The following PCDH9 variants were observed in gnomAD, a reference collection of about 807,000 sequenced individuals.
PCDH9 encodes protocadherin 9.
In PCDH9, 24 loss-of-function variants were observed where a neutral mutation model predicts 70.6. That is an observed-to-expected ratio of 0.34 (90% CI 0.25 to 0.48). PCDH9 has a LOEUF of 0.48. PCDH9 is among the 20% of genes least tolerant of loss of function. The pLI is 0.99. For missense variants in PCDH9, 1,281 were observed against 1,503.6 expected (o/e 0.85, Z 2.45); for synonymous variants, 562 against 558.5 (o/e 1.01, Z -0.09).
At chr13:66,573,026 G>A (rs571022791) in intron 4 of PCDH9, among the ~76,000 whole-genome samples, 1 of 152,094 alleles carries the variant, frequency 6.6e-6, no homozygotes, top group South Asian at 2.1e-4. Flanking sequence ...TTCCATAATG[G>A]CTGTACTAAT....
At chr13:66,569,759 C>T (rs2076706397) in intron 4 of PCDH9, among the ~76,000 whole-genome samples, 2 of 152,060 alleles carry the variant, frequency 1.3e-5, no homozygotes, top group Admixed American at 6.6e-5. Context: ...TAATTGAAGA[C>T]AACACCAAAT....
intron 4 of PCDH9, among the ~76,000 whole-genome samples, chr13:66,456,632 C>T (rs183084043): frequency 3.9e-5 from 6 of 152,172 alleles, no homozygotes; most frequent in African/African-American, 1.4e-4. Flanking sequence ...ATTTCATTTC[C>T]CCTATGATAA....
At chr13:67,124,013 C>G (rs951285357) in intron 2 of PCDH9, among the ~76,000 whole-genome samples, 1 of 152,014 alleles carries the variant, frequency 6.6e-6, no homozygotes, top group East Asian at 1.9e-4. Context: ...GCTATTATGC[C>G]TAGCCATGAC....
At chr13:66,523,569 T>A (rs534733407) in intron 4 of PCDH9, among the ~76,000 whole-genome samples, 2 of 151,032 alleles carry the variant, frequency 1.3e-5, no homozygotes, top group Non-Finnish European at 3.0e-5. Context: ...CATATACATA[T>A]ACACACACAC....
chr13:66,671,523 C>T (rs1445638132), intron 3 of PCDH9, among the ~76,000 whole-genome samples: 1 of 152,160 alleles, frequency 6.6e-6, no homozygotes, highest in African/African-American at 2.4e-5. Context: ...GACCAAAATG[C>T]TGACAGTGAT....
intron 2 of PCDH9, among the ~76,000 whole-genome samples, chr13:67,069,427 A>G (rs1394659471): frequency 6.6e-6 from 1 of 152,196 alleles, no homozygotes; most frequent in Non-Finnish European, 1.5e-5. Flanking sequence ...ATTCACCTGT[A>G]CAATTCTTTT....
At position 66,491,728 on chromosome 13, in the gene PCDH9, T is replaced by C. The variant is rs183267440; in HGVS notation, c.3340+139482A>G. ...TCAGTTAAGCTTAACATAGCATATG[T>C]GTTTTTCTCATAGAAAGGTAAGTTT... On this transcript the variant is annotated intron_variant, in intron 4 of 4. Coordinates refer to ENST00000377865, the MANE Select transcript of PCDH9 (RefSeq NM_203487.3). Among the ~76,000 whole-genome samples, 389 of 152,262 alleles carry C rather than the reference T, an allele frequency of 2.6e-3. 1 individual carries two copies. Among genetic ancestry groups the C allele is most frequent in the African/African-American group, 9.0e-3 (372 of 41,564 alleles).
At chr13:66,600,541 G>A (rs748114209) in intron 4 of PCDH9, among the ~76,000 whole-genome samples, 2 of 151,704 alleles carry the variant, frequency 1.3e-5, no homozygotes, top group Non-Finnish European at 2.9e-5. Context: ...TTTTGCATAA[G>A]TGCATGATTT....
At chr13:66,524,004 T>C (rs1423417435) in intron 4 of PCDH9, among the ~76,000 whole-genome samples, 1 of 151,998 alleles carries the variant, frequency 6.6e-6, no homozygotes, top group Non-Finnish European at 1.5e-5. Context: ...TATGAGGCGG[T>C]GCTAAATGAT....
intron 2 of PCDH9, among the ~76,000 whole-genome samples, chr13:66,916,204 AT>A (rs1408671525): frequency 6.6e-6 from 1 of 151,804 alleles, no homozygotes; most frequent in African/African-American, 2.4e-5. Flanking sequence ...TCAATCCCGT[AT>A]TTTAAATTAT....
intron 2 of PCDH9, among the ~76,000 whole-genome samples, chr13:66,976,410 G>A (rs974685062): frequency 2.0e-5 from 3 of 152,070 alleles, no homozygotes; most frequent in South Asian, 2.1e-4. Context: ...ATGGTTTGAG[G>A]ATTATCTGAG....
chr13:66,666,708 T>G (rs1476866746), intron 3 of PCDH9, among the ~76,000 whole-genome samples: 5 of 152,226 alleles, frequency 3.3e-5, no homozygotes, highest in African/African-American at 7.2e-5. Context: ...TTATTAATAC[T>G]GATTCAAAAT....
rs186817065 is a variant in PCDH9 at position 66,719,418 on chromosome 13, T to C, written c.3139-88007A>G. Among the ~76,000 whole-genome samples the C allele has an allele frequency of 5.3e-5, 8 of 152,186 alleles. No homozygotes were observed. In the East Asian group the frequency reaches 1.2e-3, roughly 22 times the overall value. On this transcript the variant is annotated intron_variant, in intron 3 of 4. Coordinates refer to ENST00000377865, the MANE Select transcript of PCDH9 (RefSeq NM_203487.3). ...CTGCCCTCATGAGTGAGATTAGTGTTATTATGAAAGAGATTGAGGAGGGCT... is the reference window on the plus strand; with the variant it reads ...CTGCCCTCATGAGTGAGATTAGTGTCATTATGAAAGAGATTGAGGAGGGCT...
chr13:66,817,544 T>C (rs929380533), intron 3 of PCDH9, among the ~76,000 whole-genome samples: 3 of 152,192 alleles, frequency 2.0e-5, no homozygotes, highest in Non-Finnish European at 4.4e-5. Flanking sequence ...TTGTAATATT[T>C]AATACTTAGA....
intron 2 of PCDH9, among the ~76,000 whole-genome samples, chr13:67,189,567 C>A (rs77948104): frequency 6.6e-6 from 1 of 151,658 alleles, no homozygotes; most frequent in Non-Finnish European, 1.5e-5. Flanking sequence ...GGCTTAACTG[C>A]GAGTAAAGAA....
intron 4 of PCDH9, among the ~76,000 whole-genome samples, chr13:66,515,247 A>C (rs996955938): frequency 6.6e-6 from 1 of 152,058 alleles, no homozygotes; most frequent in African/African-American, 2.4e-5. Flanking sequence ...TCACACAAAC[A>C]CTTGTTATAT....
intron 3 of PCDH9, among the ~76,000 whole-genome samples, chr13:66,785,773 G>A (rs2080069913): frequency 2.0e-5 from 3 of 151,992 alleles, no homozygotes; most frequent in African/African-American, 2.4e-5. Context: ...TCACTGAGTA[G>A]GGCATGTATG....
At chr13:66,610,020 A>G (rs370834805) in intron 4 of PCDH9, among the ~76,000 whole-genome samples, 11 of 139,538 alleles carry the variant, frequency 7.9e-5, no homozygotes, top group South Asian at 2.3e-4. Flanking sequence ...TGCAGTGGCG[A>G]GATCTCGGCT....
At chr13:67,009,998 A>G (rs568523753) in intron 2 of PCDH9, among the ~76,000 whole-genome samples, 27 of 152,110 alleles carry the variant, frequency 1.8e-4, no homozygotes, top group African/African-American at 6.5e-4. Context: ...CACTTTACCA[A>G]ACTACATATC....
Sources: gnomAD v4.1 joint callset for allele counts (sites outside exome capture counted in the v4.1 genomes callset) on GRCh38, gnomAD v4.1.1 for gene constraint, MANE v1.5 for transcripts, NCBI Gene and HGNC (gene_info 2026-07-23, HGNC 2026-07-21) for gene names.